SERGEF: variants seen among roughly 807,000 people sequenced by gnomAD.
The protein encoded by SERGEF is secretion-regulating guanine nucleotide exchange factor.
In SERGEF, 51 loss-of-function variants were observed where a neutral mutation model predicts 50.0. The observed-to-expected ratio is 1.02, with a 90% CI of 0.81 to 1.29. SERGEF has a LOEUF of 1.29. Among genes scored for constraint, SERGEF ranks in the 50% most tolerant of loss-of-function variants. The probability of loss-of-function intolerance (pLI) is 0.00; values close to 1 mark genes in which losing one functional copy is unlikely to be tolerated. For missense variants in SERGEF, 521 were observed against 557.0 expected (o/e 0.94, Z 0.65); for synonymous variants, 205 against 212.4 (o/e 0.97, Z 0.30).
chr11:17,793,414 G>T (rs540826908), intron 10 of SERGEF, among the ~76,000 whole-genome samples: 22 of 152,182 alleles, frequency 1.4e-4, no homozygotes, highest in Non-Finnish European at 2.2e-4. Context: ...AGCTCCTCCA[G>T]CATTTTAGAA....
intron 10 of SERGEF, among the ~76,000 whole-genome samples, chr11:17,813,785 T>C (rs1227329618): frequency 6.6e-6 from 1 of 152,200 alleles, no homozygotes; most frequent in Non-Finnish European, 1.5e-5. Context: ...GAGAAGCAGA[T>C]TGAAAACAAT....
intron 10 of SERGEF, among the ~76,000 whole-genome samples, chr11:17,820,436 G>C (rs978112004): frequency 1.3e-5 from 2 of 152,194 alleles, no homozygotes; most frequent in Admixed American, 6.5e-5. Flanking sequence ...TGGTCAGTGT[G>C]CCATGGGAGG....
chr11:17,967,688 G>A (rs1459647027), intron 8 of SERGEF, among the ~76,000 whole-genome samples: 4 of 152,198 alleles, frequency 2.6e-5, no homozygotes, highest in Non-Finnish European at 5.9e-5. Context: ...GGAAGAGCAT[G>A]GCAGGAAGCC....
chr11:17,826,897 A>G (rs990155802), intron 10 of SERGEF, among the ~76,000 whole-genome samples: 1 of 151,944 alleles, frequency 6.6e-6, no homozygotes, highest in Non-Finnish European at 1.5e-5. Flanking sequence ...TACCTAGATT[A>G]TCTTTATTCT....
chr11:17,965,059 T>C (rs527779535), intron 8 of SERGEF, among the ~76,000 whole-genome samples: 45 of 152,352 alleles, frequency 3.0e-4, no homozygotes, highest in African/African-American at 1.1e-3. Flanking sequence ...GCCTCTGATA[T>C]GGTTTGGCTG....
At chr11:17,934,596 T>C (rs986469812) in intron 9 of SERGEF, among the ~76,000 whole-genome samples, 4 of 152,196 alleles carry the variant, frequency 2.6e-5, no homozygotes, top group African/African-American at 7.2e-5. Flanking sequence ...GAGAACTTAA[T>C]GTAAAAACTT....
chr11:18,006,635 A>T lies in SERGEF; in HGVS notation c.308T>A (p.Ile103Asn). ...ATCCCAGCCACAGGCCACCTGTTGG[A>T]TGGGACAGCCAAAGAGGGATTTGCA... ...TPCKSLFGCP[I>N]QQVACGWDFT... Residue 103 changes from isoleucine (I) to asparagine (N), a missense_variant, in exon 3 of 11, where the codon ATC (isoleucine) becomes AAC (asparagine). Transcript: ENST00000265965. The T allele has an allele frequency of 6.2e-7, 1 of 1,614,134 alleles. No homozygotes were observed. Among genetic ancestry groups the T allele is most frequent in the Middle Eastern group, 1.6e-4 (1 of 6,062 alleles).
chr11:17,926,983 T>A (rs1300690697), intron 9 of SERGEF: 1 of 380,722 alleles, frequency 2.6e-6, no homozygotes, highest in African/African-American at 2.1e-5. Context: ...AACCATCGCC[T>A]GTCACCATGT....
At chr11:17,926,276 T>C (rs774481632) in intron 9 of SERGEF, among the ~76,000 whole-genome samples, 5 of 151,956 alleles carry the variant, frequency 3.3e-5, no homozygotes, top group African/African-American at 4.8e-5. Context: ...CAAATGATGA[T>C]GGGGAGAGGA....
At chr11:17,987,572 T>C (rs1853626620) in intron 8 of SERGEF, among the ~76,000 whole-genome samples, 1 of 152,222 alleles carries the variant, frequency 6.6e-6, no homozygotes, top group Admixed American at 6.5e-5. Context: ...ATGGAAAGTT[T>C]ATTATACACC....
At chr11:17,915,358 C>T (rs1852030230) in intron 9 of SERGEF, among the ~76,000 whole-genome samples, 1 of 152,154 alleles carries the variant, frequency 6.6e-6, no homozygotes, top group South Asian at 2.1e-4. Context: ...TCAAGCTCAT[C>T]CTGAGATTAC....
Position 18,003,591 on chromosome 11 carries a change from C to A in SERGEF, c.447+850G>T, listed in dbSNP as rs559935818. On this transcript the variant is annotated intron_variant, in intron 4 of 10. Coordinates refer to ENST00000265965, the MANE Select transcript of SERGEF (RefSeq NM_012139.4). ...TGGTGCCAGGCACCTGTAATCCCAG[C>A]TACTCGGGAGGCCGAGGCAGGGAAC... Among the ~76,000 whole-genome samples, 92 of 152,348 alleles carry A rather than the reference C, an allele frequency of 6.0e-4. 1 individual carries two copies. The highest frequency in any genetic ancestry group is 5.3e-3 in the Admixed American group (81 of 15,302).
chr11:17,955,548 AGT>A (rs1852849336), intron 9 of SERGEF, among the ~76,000 whole-genome samples: 1 of 152,234 alleles, frequency 6.6e-6, no homozygotes, highest in Admixed American at 6.5e-5. Flanking sequence ...CCAAGAAGGC[AGT>A]GTCACTGAGG....
intron 9 of SERGEF, among the ~76,000 whole-genome samples, chr11:17,940,231 C>T (rs889263013): frequency 6.6e-6 from 1 of 152,112 alleles, no homozygotes; most frequent in Non-Finnish European, 1.5e-5. Flanking sequence ...AGCCACCTTG[C>T]ACTCTAAACA....
intron 8 of SERGEF, among the ~76,000 whole-genome samples, chr11:17,969,435 C>T (rs775255958): frequency 2.0e-5 from 3 of 152,122 alleles, no homozygotes; most frequent in South Asian, 2.1e-4. Context: ...TTCTCCCTCC[C>T]GGCAAGAAAG....
intron 9 of SERGEF, among the ~76,000 whole-genome samples, chr11:17,957,235 TCA>T (rs1852894959): frequency 6.6e-6 from 1 of 152,204 alleles, no homozygotes; most frequent in Admixed American, 6.5e-5. Context: ...GTCATGTCTG[TCA>T]CAGTGCTGCA....
intron 9 of SERGEF, among the ~76,000 whole-genome samples, chr11:17,945,832 G>C (rs572976397): frequency 3.9e-5 from 6 of 152,108 alleles, no homozygotes; most frequent in African/African-American, 1.4e-4. Context: ...AAAATAATTA[G>C]CTGGGCACAG....
chr11:17,997,011 C>G (rs1189917920), intron 5 of SERGEF, among the ~76,000 whole-genome samples: 1 of 152,066 alleles, frequency 6.6e-6, no homozygotes, highest in African/African-American at 2.4e-5. Context: ...TTGAGAAAAG[C>G]CTGGGCAATA....
At chr11:17,996,029 T>C in intron 5 of SERGEF, 120 bp from the exon 6 acceptor site, 6 of 720,754 alleles carry the variant, frequency 8.3e-6, no homozygotes, top group South Asian at 3.4e-5. Flanking sequence ...ATGAGTGTTA[T>C]GGAGAAGCTC....
Sources: gnomAD v4.1 joint callset for allele counts (sites outside exome capture counted in the v4.1 genomes callset) on GRCh38, gnomAD v4.1.1 for gene constraint, MANE v1.5 for transcripts, NCBI Gene and HGNC (gene_info 2026-07-23, HGNC 2026-07-21) for gene names.